The following DAPK2 variants were observed in gnomAD, a reference collection of about 807,000 sequenced individuals.
The protein encoded by DAPK2 is death-associated protein kinase 2.
Under a neutral mutation model 44.1 loss-of-function variants are expected in DAPK2, and 35 were observed. The ratio of observed to expected loss-of-function variants is 0.79; its 90% CI spans 0.61 to 1.05. The LOEUF is 1.05. Ranked by LOEUF, DAPK2 falls within the 50% of genes least tolerant of loss-of-function variation. The pLI is 0.00. For missense variants in DAPK2, 453 were observed against 483.2 expected (o/e 0.94, Z 0.59); for synonymous variants, 174 against 182.6 (o/e 0.95, Z 0.38).
chr15:64,032,589 G>A (rs1332728949), intron 1 of DAPK2, among the ~76,000 whole-genome samples: 1 of 152,184 alleles, frequency 6.6e-6, no homozygotes, highest in Admixed American at 6.5e-5. Context: ...GTGTGCCACA[G>A]TAGTTGCAAA....
At chr15:63,967,818 C>A (rs539002380) in intron 3 of DAPK2, among the ~76,000 whole-genome samples, 126 of 152,294 alleles carry the variant, frequency 8.3e-4, no homozygotes, top group African/African-American at 2.4e-3. Context: ...TAAATACCAG[C>A]CTGAAGAGAG....
chr15:63,936,588 ACAGAGTGAGACTCTGT>A (rs2077158947), intron 4 of DAPK2, among the ~76,000 whole-genome samples: 3 of 152,148 alleles, frequency 2.0e-5, no homozygotes, highest in Admixed American at 6.5e-5. Context: ...TCCATGGGTG[ACAGAGTGAGACTCTGT>A]CTCAATAAAT....
intron 1 of DAPK2, among the ~76,000 whole-genome samples, chr15:63,992,292 C>T (rs2078841169): frequency 6.6e-6 from 1 of 152,104 alleles, no homozygotes; most frequent in African/African-American, 2.4e-5. Flanking sequence ...AGATTCTAGA[C>T]ACTAAACATG....
intron 3 of DAPK2, among the ~76,000 whole-genome samples, chr15:63,957,402 A>G (rs943184553): frequency 2.0e-5 from 3 of 152,044 alleles, no homozygotes; most frequent in Non-Finnish European, 4.4e-5. Context: ...ACATGGGCAC[A>G]ACGCGCAGGT....
At chr15:63,991,411 A>G (rs529518681) in intron 1 of DAPK2, 209 of 445,670 alleles carry the variant, frequency 4.7e-4, no homozygotes, top group Admixed American at 8.4e-4. Flanking sequence ...CTAATGACCC[A>G]GGCCCCTCGT....
rs143670950 is a variant in DAPK2 at position 64,025,350 on chromosome 15, C to T, written c.92+14820G>A. On this transcript the variant is annotated intron_variant, in intron 1 of 10. Transcript: ENST00000261891. ...CAGGGCCAGGTATCGAGGAGACACT[C>T]GATCCCCAACATCCAGAGCGCCCTT... Among the ~76,000 whole-genome samples the T allele has an allele frequency of 3.0e-3, 464 of 152,322 alleles. 5 individuals are homozygous for T. Among genetic ancestry groups the T allele is most frequent in the Non-Finnish European group, 5.7e-3 (388 of 68,028 alleles).
chr15:64,017,870 G>A (rs2079572989), intron 1 of DAPK2, among the ~76,000 whole-genome samples: 1 of 152,084 alleles, frequency 6.6e-6, no homozygotes, highest in Non-Finnish European at 1.5e-5. Context: ...AGGAGGAGAG[G>A]ACAAACACCA....
At chr15:63,948,228 A>C (rs1200971524) in intron 3 of DAPK2, among the ~76,000 whole-genome samples, 1 of 130,386 alleles carries the variant, frequency 7.7e-6, no homozygotes, top group Non-Finnish European at 1.6e-5. Flanking sequence ...CGGAGATCAC[A>C]CCACTGCATT....
chr15:63,941,636 A>T (rs971359940), intron 3 of DAPK2, among the ~76,000 whole-genome samples: 125 of 150,290 alleles, frequency 8.3e-4, no homozygotes, highest in African/African-American at 1.5e-3. Context: ...TCCTTTTTTT[A>T]AAAAAAATAA....
At position 64,016,168 on chromosome 15, in the gene DAPK2, C is replaced by T. The variant is rs192981495; in HGVS notation, c.92+24002G>A. 5.3e-4 allele frequency among the ~76,000 whole-genome samples: 80 copies of T among 152,294 alleles called. 1 individual carries two copies. Among genetic ancestry groups the T allele is most frequent in the African/African-American group, 1.3e-3 (55 of 41,566 alleles). ...AGTCCTCCTCTCTCTCAGGTACTGC[C>T]GCCACCAGCAGGACACACGGCCTCT... is the stretch of plus-strand genomic sequence containing the variant. On this transcript the variant is annotated intron_variant, in intron 1 of 10. Transcript: ENST00000261891.
chr15:63,936,333 T>C (rs939200902), intron 4 of DAPK2, among the ~76,000 whole-genome samples: 1 of 152,098 alleles, frequency 6.6e-6, no homozygotes, highest in African/African-American at 2.4e-5. Context: ...CCAGGAGCGG[T>C]GGCTCGCTGG....
At chr15:63,921,918 C>G (rs1166944034) in intron 8 of DAPK2, 1 of 152,160 alleles carries the variant, frequency 6.6e-6, no homozygotes, top group Non-Finnish European at 1.5e-5. Flanking sequence ...CAATCATCTG[C>G]AGGTGTATGC....
upstream of DAPK2, among the ~76,000 whole-genome samples, chr15:64,044,336 C>G (rs961618693): frequency 8.5e-5 from 13 of 152,282 alleles, no homozygotes; most frequent in African/African-American, 3.1e-4. Flanking sequence ...TCCTAGAACC[C>G]CATAGATCAT....
intron 8 of DAPK2, among the ~76,000 whole-genome samples, chr15:63,915,639 C>A (rs2078907520): frequency 6.6e-6 from 1 of 152,192 alleles, no homozygotes; most frequent in Admixed American, 6.5e-5. Context: ...AGCCACTGAG[C>A]AGAGGGGCCC....
At chr15:63,947,397 G>A (rs146588173) in intron 3 of DAPK2, among the ~76,000 whole-genome samples, 2 of 152,316 alleles carry the variant, frequency 1.3e-5, no homozygotes, top group African/African-American at 4.8e-5. Flanking sequence ...AAGGGCGGCT[G>A]GCATTATAGC....
At chr15:63,938,126 G>T (rs111834021) in intron 4 of DAPK2, among the ~76,000 whole-genome samples, 2,232 of 152,286 alleles carry the variant, frequency 0.015, 31 homozygotes, top group Non-Finnish European at 0.024. Flanking sequence ...TTGATGGTTT[G>T]ATGCCTTGTT....
At chr15:63,940,703 C>A (rs1193528262) in intron 3 of DAPK2, among the ~76,000 whole-genome samples, 1 of 151,444 alleles carries the variant, frequency 6.6e-6, no homozygotes, top group Admixed American at 6.6e-5. Flanking sequence ...CAGAGTGAGT[C>A]TCTGTCTCAA....
At chr15:63,975,582 T>C (rs535568978) in intron 2 of DAPK2, among the ~76,000 whole-genome samples, 1 of 147,792 alleles carries the variant, frequency 6.8e-6, no homozygotes, top group Non-Finnish European at 1.5e-5. Context: ...ATACTGAGTA[T>C]TGCAGATGAT....
chr15:63,993,085 C>G (rs115712207), intron 1 of DAPK2, among the ~76,000 whole-genome samples: 3,552 of 152,252 alleles, frequency 0.023, 149 homozygotes, highest in African/African-American at 0.081. Context: ...TACCTCCCTC[C>G]CCACTTGCCC....
Sources: gnomAD v4.1 joint callset for allele counts (sites outside exome capture counted in the v4.1 genomes callset) on GRCh38, gnomAD v4.1.1 for gene constraint, MANE v1.5 for transcripts, NCBI Gene and HGNC (gene_info 2026-07-23, HGNC 2026-07-21) for gene names.